CCDC167: variants seen among roughly 807,000 people sequenced by gnomAD.
CCDC167 encodes the protein coiled-coil domain-containing protein 167.
CCDC167 carries 15 observed loss-of-function variants against 12.7 expected under a neutral mutation model. The ratio of observed to expected loss-of-function variants is 1.18; its 90% CI spans 0.79 to 1.81. The LOEUF (loss-of-function observed/expected upper bound fraction) is 1.81. Among genes scored for constraint, CCDC167 ranks in the 40% most tolerant of loss-of-function variants. CCDC167 has a pLI of 0.00. For missense variants in CCDC167, 121 were observed against 120.1 expected (o/e 1.01, Z -0.03); for synonymous variants, 52 against 49.0 (o/e 1.06, Z -0.26).
chr6:37,484,330 C>T (rs971431632), intron 3 of CCDC167, among the ~76,000 whole-genome samples: 20 of 152,252 alleles, frequency 1.3e-4, no homozygotes, highest in African/African-American at 4.6e-4. Flanking sequence ...GGCGCCCCGC[C>T]GGGCCTGGCC....
rs1013653202 is a variant in CCDC167, at chr6:37,488,988, A to G, written c.43-3794T>C. Among the ~76,000 whole-genome samples, 4 of 151,740 alleles carry G rather than the reference A, an allele frequency of 2.6e-5. No individual in the cohort carries two copies. In the East Asian group the frequency reaches 7.8e-4, roughly 30 times the overall value. Reference sequence around the variant, plus strand: ...CATGGTGGCTCACGCCTGTAATTCCAGCACCTTGGGAGACCAAGGTGGGCG... The same window carrying G: ...CATGGTGGCTCACGCCTGTAATTCCGGCACCTTGGGAGACCAAGGTGGGCG... On this transcript the variant is annotated intron_variant, in intron 1 of 3. Transcript: ENST00000373408.
chr6:37,493,719 C>T (rs1762060613), intron 1 of CCDC167, among the ~76,000 whole-genome samples: 1 of 152,230 alleles, frequency 6.6e-6, no homozygotes, highest in African/African-American at 2.4e-5. Context: ...TCTACTGTGA[C>T]CTCCACTCAA....
chr6:37,484,671 G>A (rs777845487), intron 3 of CCDC167, 139 bp downstream of exon 3: 28 of 916,666 alleles, frequency 3.1e-5, no homozygotes, highest in Admixed American at 1.0e-4. Flanking sequence ...TAGCAGGGGT[G>A]TCTGCAGCCT....
intron 1 of CCDC167, among the ~76,000 whole-genome samples, chr6:37,491,466 C>T (rs1480567184): frequency 6.6e-6 from 1 of 152,208 alleles, no homozygotes; most frequent in East Asian, 1.9e-4. Context: ...TGCTGTCTCT[C>T]CGGCTTTACT....
At chr6:37,489,701 G>T (rs55738600) in intron 1 of CCDC167, among the ~76,000 whole-genome samples, 2 of 152,152 alleles carry the variant, frequency 1.3e-5, no homozygotes, top group African/African-American at 4.8e-5. Context: ...AAGAGGCCCC[G>T]TGGAAGGGAT....
intron 1 of CCDC167, among the ~76,000 whole-genome samples, chr6:37,495,808 A>G (rs1192193297): frequency 6.6e-6 from 1 of 152,196 alleles, no homozygotes; most frequent in Non-Finnish European, 1.5e-5. Context: ...AGATTAACAA[A>G]CATTTTTGAT....
At position 37,499,856 on chromosome 6, in the gene CCDC167, T is replaced by C; in HGVS notation, c.8A>G (p.Lys3Arg). Residue 3 changes from lysine to arginine, a missense_variant, in exon 1 of 4, where the codon AAA becomes AGA. Transcript: ENST00000373408. The part of the protein sequence containing the change: MT[K>R]KKRENLGVAL... Reference sequence around the variant, plus strand: ...GACGCCCAGATTCTCCCGCTTCTTTTTAGTCATGTTACTTGCCGGGATCCC... The same window carrying C: ...GACGCCCAGATTCTCCCGCTTCTTTCTAGTCATGTTACTTGCCGGGATCCC... The C allele has an allele frequency of 1.9e-6, 3 of 1,614,164 alleles. No individual in the cohort carries two copies. Among genetic ancestry groups the C allele is most frequent in the South Asian group, 2.2e-5 (2 of 91,084 alleles).
chr6:37,485,149 C>G lies in CCDC167; in HGVS notation c.88G>C (p.Glu30Gln), dbSNP rs530367512. 5.6e-6 allele frequency: 9 copies of G among 1,613,494 alleles called. No homozygotes were observed. Among genetic ancestry groups the G allele is most frequent in the Non-Finnish European group, 6.8e-6 (8 of 1,180,006 alleles). ...CTGTGGAGTCTGGAGTTCACGGCCTCCAGGTCTCTCCGACACTGGGACAGC... is the reference window on the plus strand; with the variant it reads ...CTGTGGAGTCTGGAGTTCACGGCCTGCAGGTCTCTCCGACACTGGGACAGC... ...EKLSQCRRDL[E>Q]AVNSRLHSRE... Residue 30 changes from glutamate to glutamine, a missense_variant, in exon 2 of 4, where the codon GAG becomes CAG. By Grantham distance (29) the Glu-to-Gln change is conservative. Coordinates refer to ENST00000373408, the MANE Select transcript of CCDC167 (RefSeq NM_138493.3).
intron 1 of CCDC167, among the ~76,000 whole-genome samples, chr6:37,486,015 C>G (rs80318507): frequency 0.015 from 2,358 of 152,290 alleles, 57 homozygotes; most frequent in African/African-American, 0.054. Context: ...GTCCATCTCC[C>G]TGTGTCTGAC....
intron 1 of CCDC167, among the ~76,000 whole-genome samples, chr6:37,490,829 T>G (rs1276830499): frequency 6.6e-6 from 1 of 151,722 alleles, no homozygotes; most frequent in African/African-American, 2.4e-5. Flanking sequence ...GCAGGGACTC[T>G]TCCTGCAGCC....
intron 1 of CCDC167, among the ~76,000 whole-genome samples, chr6:37,490,472 G>A (rs575078896): frequency 5.9e-5 from 9 of 152,310 alleles, no homozygotes; most frequent in African/African-American, 2.2e-4. Context: ...GCCTTAGGGA[G>A]TGGGACCCAA....
chr6:37,487,678 G>T (rs1761965331), intron 1 of CCDC167, among the ~76,000 whole-genome samples: 1 of 152,202 alleles, frequency 6.6e-6, no homozygotes, highest in Admixed American at 6.5e-5. Flanking sequence ...ATTGCCCCCA[G>T]AGCAAGGCCA....
intron 1 of CCDC167, among the ~76,000 whole-genome samples, 199 bp from the exon 2 acceptor site, chr6:37,485,393 C>G (rs1220074025): frequency 6.6e-6 from 1 of 152,260 alleles, no homozygotes. Context: ...CAGCTCTGAA[C>G]TGCACAGGAC....
intron 1 of CCDC167, among the ~76,000 whole-genome samples, chr6:37,487,852 T>C (rs1445640517): frequency 6.6e-6 from 1 of 152,246 alleles, no homozygotes; most frequent in African/African-American, 2.4e-5. Flanking sequence ...ATTCCCACTT[T>C]CATTTGCCAC....
intron 3 of CCDC167, among the ~76,000 whole-genome samples, chr6:37,484,172 C>T (rs1447090201): frequency 2.0e-5 from 3 of 152,216 alleles, no homozygotes; most frequent in Non-Finnish European, 4.4e-5. Context: ...CTGGGGGACT[C>T]CTTGCCATTA....
intron 1 of CCDC167, among the ~76,000 whole-genome samples, chr6:37,491,460 G>C (rs1431990485): frequency 1.3e-5 from 2 of 152,202 alleles, no homozygotes; most frequent in African/African-American, 2.4e-5. Flanking sequence ...GCTGTTTGCT[G>C]TCTCTCCGGC....
At chr6:37,487,487 C>T (rs954259553) in intron 1 of CCDC167, among the ~76,000 whole-genome samples, 1 of 152,242 alleles carries the variant, frequency 6.6e-6, no homozygotes, top group Admixed American at 6.5e-5. Flanking sequence ...AGCAACTAGA[C>T]ATGCACATAA....
In CCDC167 at chr6:37,482,966, C is replaced by T; in HGVS notation, c.*220G>A. On this transcript the variant is annotated 3_prime_UTR_variant, in exon 4 of 4. Coordinates refer to ENST00000373408, the MANE Select transcript of CCDC167 (RefSeq NM_138493.3). ...GCTTTGTGTTCTTTATTGCCTCTCCCTTGGGCTAAGGGAGGGACCAGCACC... is the reference window on the plus strand; with the variant it reads ...GCTTTGTGTTCTTTATTGCCTCTCCTTTGGGCTAAGGGAGGGACCAGCACC... 2 of 609,514 alleles carry T rather than the reference C, an allele frequency of 3.3e-6. No individual in the cohort carries two copies. The highest frequency in any genetic ancestry group is 3.4e-5 in the South Asian group (2 of 58,254). The allele number at this position is 609,514 out of a possible 1,614,324, so 37.8% of individuals were successfully genotyped here. A position where few individuals can be genotyped will look rare whatever the true frequency, so the allele number is the denominator to read the frequency against.
intron 1 of CCDC167, among the ~76,000 whole-genome samples, chr6:37,488,064 C>T (rs2776914): frequency 0.072 from 11,019 of 152,272 alleles, 1,307 homozygotes; most frequent in African/African-American, 0.24. Flanking sequence ...CTTCAGAGGC[C>T]ACAAACCCAT....
Sources: gnomAD v4.1 joint callset for allele counts (sites outside exome capture counted in the v4.1 genomes callset) on GRCh38, gnomAD v4.1.1 for gene constraint, MANE v1.5 for transcripts, NCBI Gene and HGNC (gene_info 2026-07-23, HGNC 2026-07-21) for gene names.